ZNF25: variants seen among roughly 807,000 people sequenced by gnomAD.
ZNF25 encodes zinc finger protein 25, also known as zinc finger protein 25 (KOX 19).
Under a neutral mutation model 30.9 loss-of-function variants are expected in ZNF25, and 21 were observed. The ratio of observed to expected loss-of-function variants is 0.68; its 90% CI spans 0.48 to 0.98. ZNF25 has a LOEUF of 0.98. ZNF25 is among the 50% of genes least tolerant of loss of function. The probability of loss-of-function intolerance (pLI) is 0.00; values close to 1 mark genes in which losing one functional copy is unlikely to be tolerated. For missense variants in ZNF25, 501 were observed against 529.9 expected (o/e 0.95, Z 0.54); for synonymous variants, 169 against 181.3 (o/e 0.93, Z 0.55).
Position 37,971,782 on chromosome 10 carries a change from C to T in ZNF25, c.-60G>A. The T allele has an allele frequency of 6.2e-7, 1 of 1,612,566 alleles. No homozygotes were observed. The highest frequency in any genetic ancestry group is 8.5e-7 in the Non-Finnish European group (1 of 1,178,812). On this transcript the variant is annotated 5_prime_UTR_variant, in exon 2 of 6. Transcript: ENST00000302609. ...AAGCCAGAGCAGAAATCATAAGGGA[C>T]CTTAGCTGGCAGCCCCAGGAATCAC...
chr10:37,953,085 T>C lies in ZNF25; in HGVS notation c.413A>G (p.His138Arg). 1 of 1,613,912 alleles carries C rather than the reference T, an allele frequency of 6.2e-7. No individual in the cohort carries two copies. Among genetic ancestry groups the C allele is most frequent in the Non-Finnish European group, 8.5e-7 (1 of 1,179,970 alleles). The change falls in exon 6 of 6, where the codon CAT (histidine) becomes CGT (arginine). Residue 138 changes from histidine (H) to arginine (R), a missense_variant. His to Arg is a conservative substitution (Grantham distance 29). Transcript: ENST00000302609. ...CQKSALIVHQ[H>R]THSKGKSYDC... ...ATAGGATTTGCCCTTTGAGTGAGTA[T>C]GCTGATGTACTATGAGGGCAGACTT...
intron 2 of ZNF25, among the ~76,000 whole-genome samples, chr10:37,960,708 G>C (rs1221871927): frequency 6.6e-6 from 1 of 150,846 alleles, no homozygotes; most frequent in Non-Finnish European, 1.5e-5. Context: ...AGACCATGGA[G>C]CCTGAGAGAA....
At chr10:37,964,161 A>G (rs191656591) in intron 2 of ZNF25, among the ~76,000 whole-genome samples, 62 of 152,268 alleles carry the variant, frequency 4.1e-4, no homozygotes, top group Non-Finnish European at 7.9e-4. Context: ...CTGCATAACC[A>G]TGAGCCAATT....
chr10:37,967,379 T>C (rs1307870885), intron 2 of ZNF25, among the ~76,000 whole-genome samples: 2 of 152,066 alleles, frequency 1.3e-5, no homozygotes, highest in Non-Finnish European at 2.9e-5. Context: ...TAGAACTGAG[T>C]TCAGAAATAA....
intron 2 of ZNF25, among the ~76,000 whole-genome samples, chr10:37,960,399 G>C (rs977220985): frequency 2.6e-5 from 4 of 150,996 alleles, no homozygotes; most frequent in Non-Finnish European, 5.9e-5. Flanking sequence ...CGGATCACGA[G>C]GTCAGGAGAT....
At chr10:37,967,092 G>T (rs2063226909) in intron 2 of ZNF25, among the ~76,000 whole-genome samples, 1 of 152,136 alleles carries the variant, frequency 6.6e-6, no homozygotes, top group Admixed American at 6.6e-5. Context: ...TTCATGGACT[G>T]GGAGACTTAA....
intron 2 of ZNF25, among the ~76,000 whole-genome samples, chr10:37,966,100 T>A (rs1037751659): frequency 7.2e-5 from 11 of 152,096 alleles, no homozygotes; most frequent in African/African-American, 2.7e-4. Flanking sequence ...TTGGAGGGTA[T>A]TAGTGTGTTA....
At chr10:37,960,623 CAAAAAAAAA>C (rs201582068) in intron 2 of ZNF25, among the ~76,000 whole-genome samples, 2 of 65,710 alleles carry the variant, frequency 3.0e-5, no homozygotes, top group Admixed American at 2.8e-4. Flanking sequence ...GACTCCATCT[CAAAAAAAAA>C]AAAAAAAAAA....
intron 2 of ZNF25, among the ~76,000 whole-genome samples, chr10:37,967,690 G>A (rs528967111): frequency 1.3e-5 from 2 of 152,180 alleles, no homozygotes; most frequent in Non-Finnish European, 1.5e-5. Context: ...TTACAGGCAT[G>A]AGCCACCACG....
At chr10:37,972,008 T>C (rs938780763) in intron 1 of ZNF25, among the ~76,000 whole-genome samples, 2 of 152,210 alleles carry the variant, frequency 1.3e-5, no homozygotes, top group African/African-American at 2.4e-5. Context: ...CTTTGAAAAT[T>C]ATGTTTCTGT....
intron 2 of ZNF25, among the ~76,000 whole-genome samples, chr10:37,965,345 C>A (rs577292849): frequency 1.3e-4 from 20 of 152,242 alleles, no homozygotes; most frequent in Middle Eastern, 3.4e-3. Flanking sequence ...CTTTGGAATG[C>A]TAGAGCCACT....
intron 1 of ZNF25, among the ~76,000 whole-genome samples, chr10:37,975,248 T>C (rs1257053442): frequency 6.6e-6 from 1 of 152,314 alleles, no homozygotes; most frequent in African/African-American, 2.4e-5. Context: ...TCAGAATAGC[T>C]AGAAGATTTC....
intron 1 of ZNF25, among the ~76,000 whole-genome samples, chr10:37,974,030 G>A (rs1051120047): frequency 6.6e-6 from 1 of 152,132 alleles, no homozygotes; most frequent in South Asian, 2.1e-4. Flanking sequence ...TTGGAGAAAT[G>A]ACAGTTTCTT....
At position 37,952,779 on chromosome 10, in the gene ZNF25, TAGA is replaced by T; in HGVS notation, c.716_718del (p.Phe239del). On this transcript the variant is annotated inframe_deletion, in exon 6 of 6. Transcript: ENST00000302609. ...ATGTACCATGAGGTATGCCTTCACA[TAGA>T]AGAACTTCCCACATTCAGTACATTC... 1 of 1,613,370 alleles carries T rather than the reference TAGA, an allele frequency of 6.2e-7. No individual in the cohort carries two copies. The highest frequency in any genetic ancestry group is 8.5e-7 in the Non-Finnish European group (1 of 1,179,788).
At chr10:37,971,861 G>T in intron 1 of ZNF25, 54 bp from the exon 2 acceptor site, 1 of 1,217,854 alleles carries the variant, frequency 8.2e-7, no homozygotes. Flanking sequence ...TTGAGAAAAT[G>T]TCCCTTTGAC....
intron 1 of ZNF25, among the ~76,000 whole-genome samples, chr10:37,972,014 T>C (rs1470194448): frequency 1.3e-5 from 2 of 152,224 alleles, no homozygotes; most frequent in Admixed American, 6.5e-5. Context: ...AAATTATGTT[T>C]CTGTTTTCTG....
At chr10:37,958,691 G>A (rs1201594050) in intron 2 of ZNF25, among the ~76,000 whole-genome samples, 2 of 152,044 alleles carry the variant, frequency 1.3e-5, no homozygotes, top group East Asian at 3.8e-4. Context: ...AGGGTGATAT[G>A]AGAGAATCGC....
Position 37,953,156 on chromosome 10 carries a change from T to C in ZNF25, c.342A>G (p.Thr114=). 6.2e-7 allele frequency: 1 copy of C among 1,600,340 alleles called. No homozygotes were observed. The highest frequency in any genetic ancestry group is 1.4e-5 in the African/African-American group (1 of 73,864). Residue 114 remains threonine, a synonymous_variant, in exon 6 of 6, where the codon ACA becomes ACG. Transcript: ENST00000302609. ...ELTKHQKTHT[T]EKACECKECG... ...ATTCCTTACATTCACAGGCTTTCTC[T>C]GTGGTATGAGTTTTCTGATGTTTTG...
rs756612210 is a variant in ZNF25, at chr10:37,953,115, C to T, written c.383G>A (p.Cys128Tyr). Reference protein sequence around the residue: ...CECKECGKFFCQKSALIVHQH... With the variant: ...CECKECGKFFYQKSALIVHQH... ...ATGTACTATGAGGGCAGACTTCTGG[C>T]AGAAGAACTTCCCACATTCCTTACA... Residue 128 changes from cysteine (C) to tyrosine (Y), a missense_variant, in exon 6 of 6, where the codon TGC becomes TAC. Cys to Tyr is a radical substitution (Grantham distance 194, BLOSUM62 -2). Transcript: ENST00000302609. 2 of 1,611,390 alleles carry T rather than the reference C, an allele frequency of 1.2e-6. No individual in the cohort carries two copies. Among genetic ancestry groups the T allele is most frequent in the African/African-American group, 1.3e-5 (1 of 74,536 alleles).
Sources: gnomAD v4.1 joint callset for allele counts (sites outside exome capture counted in the v4.1 genomes callset) on GRCh38, gnomAD v4.1.1 for gene constraint, MANE v1.5 for transcripts, NCBI Gene and HGNC (gene_info 2026-07-23, HGNC 2026-07-21) for gene names.